Variants in PCP4L1 observed in about 807,000 individuals in gnomAD.
The protein encoded by PCP4L1 is Purkinje cell protein 4-like protein 1.
A neutral mutation model predicts 9.6 loss-of-function variants in PCP4L1; 9 were observed. The ratio of observed to expected loss-of-function variants is 0.94; its 90% confidence interval spans 0.57 to 1.64. PCP4L1 has a LOEUF of 1.64. Among genes scored for constraint, PCP4L1 ranks in the 40% most tolerant of loss-of-function variants. The pLI is 0.00. For synonymous variants in PCP4L1, 31 were observed against 28.2 expected (o/e 1.10, Z -0.31); for missense variants, 81 against 80.8 (o/e 1.00, Z -0.01).
intron 1 of PCP4L1, among the ~76,000 whole-genome samples, chr1:161,266,375 T>C (rs1009002264): frequency 6.6e-6 from 1 of 152,148 alleles, no homozygotes; most frequent in African/African-American, 2.4e-5. Flanking sequence ...GGCACTACTC[T>C]CTCTCCCCCA....
chr1:161,260,909 C>G (rs910814682), intron 1 of PCP4L1, among the ~76,000 whole-genome samples: 11 of 152,148 alleles, frequency 7.2e-5, no homozygotes, highest in African/African-American at 2.7e-4. Context: ...TGAGCCTGGT[C>G]TTAGGGATGA....
chr1:161,281,766 AG>A (rs1669813645), intron 1 of PCP4L1, among the ~76,000 whole-genome samples: 1 of 28,660 alleles, frequency 3.5e-5, no homozygotes, highest in Non-Finnish European at 5.4e-5. Context: ...GGCCGGGCAG[AG>A]GCGCTCCTCA....
intron 1 of PCP4L1, among the ~76,000 whole-genome samples, chr1:161,266,243 C>T (rs757518138): frequency 2.6e-5 from 4 of 152,198 alleles, no homozygotes; most frequent in African/African-American, 9.7e-5. Context: ...CTCCCTCCCA[C>T]ACAAAGCCCT....
At chr1:161,260,628 G>A (rs978599826) in intron 1 of PCP4L1, among the ~76,000 whole-genome samples, 1 of 152,190 alleles carries the variant, frequency 6.6e-6, no homozygotes, top group Non-Finnish European at 1.5e-5. Flanking sequence ...CACTACAGGG[G>A]CTGGCATTTA....
intron 1 of PCP4L1, among the ~76,000 whole-genome samples, chr1:161,259,679 G>A (rs935405700): frequency 6.6e-6 from 1 of 152,210 alleles, no homozygotes; most frequent in East Asian, 1.9e-4. Flanking sequence ...TTCATGGGGT[G>A]GGGGAGTGGG....
At chr1:161,266,642 G>A (rs1189930032) in intron 1 of PCP4L1, among the ~76,000 whole-genome samples, 1 of 152,132 alleles carries the variant, frequency 6.6e-6, no homozygotes, top group African/African-American at 2.4e-5. Context: ...GGGTTGTTTA[G>A]GTTCTATTTT....
intron 1 of PCP4L1, among the ~76,000 whole-genome samples, chr1:161,281,609 G>C (rs1669805849): frequency 6.7e-6 from 1 of 148,546 alleles, no homozygotes; most frequent in African/African-American, 2.5e-5. Flanking sequence ...GGAGGGGGCT[G>C]ACCCCCACCT....
intron 1 of PCP4L1, among the ~76,000 whole-genome samples, chr1:161,282,565 T>TCC (rs1162291182): frequency 6.6e-6 from 1 of 152,180 alleles, no homozygotes; most frequent in Non-Finnish European, 1.5e-5. Context: ...TATCAATAGC[T>TCC]CCCTAACTGA....
rs1270884821 is a variant in PCP4L1 at position 161,276,723 on chromosome 1, A to ATG, written c.10-6944_10-6943insGT. 5.7e-5 allele frequency among the ~76,000 whole-genome samples: 7 copies of ATG among 121,840 alleles called. No homozygotes were observed. The South Asian group carries it at 1.1e-3, about 20-fold the overall frequency. 79.9% of individuals were successfully genotyped at this position (121,840 alleles called of 152,430 possible). A position where few individuals can be genotyped will look rare whatever the true frequency, so the allele number is the denominator to read the frequency against. ...AAAATATGTGTGTGTGTGTATATAT[A>ATG]TATGTGTGTGTGTGTATATATGTGT... On this transcript the variant is annotated intron_variant, in intron 1 of 2. Transcript: ENST00000504449.
At chr1:161,263,145 C>G (rs1246203177) in intron 1 of PCP4L1, among the ~76,000 whole-genome samples, 1 of 152,234 alleles carries the variant, frequency 6.6e-6, no homozygotes, top group East Asian at 1.9e-4. Context: ...GGCTAGGGCA[C>G]TGTACTTCTG....
chr1:161,258,957 C>T lies in PCP4L1; in HGVS notation c.-18C>T, dbSNP rs948481076. ...ACCTGTGCGTGCAGCGCCTCGCGCG[C>T]CCTGTCCGGCTGCGGAGATGAGCGA... On this transcript the variant is annotated 5_prime_UTR_variant, in exon 1 of 3. Transcript: ENST00000504449. 7.2e-6 allele frequency: 11 copies of T among 1,534,480 alleles called. No homozygotes were observed. Among genetic ancestry groups the T allele is most frequent in the Non-Finnish European group, 9.6e-6 (11 of 1,145,998 alleles).
At chr1:161,282,276 A>C (rs1669834819) in intron 1 of PCP4L1, among the ~76,000 whole-genome samples, 1 of 152,154 alleles carries the variant, frequency 6.6e-6, no homozygotes, top group African/African-American at 2.4e-5. Flanking sequence ...AATAGCAGGC[A>C]CTCGGCAGGC....
Position 161,284,401 on chromosome 1 carries a change from C to T in PCP4L1, c.127C>T (p.Pro43Ser), listed in dbSNP as rs745326894. 25 of 1,613,782 alleles carry T rather than the reference C, an allele frequency of 1.5e-5. No individual in the cohort carries two copies. Among genetic ancestry groups the T allele is most frequent in the Non-Finnish European group, 1.9e-5 (22 of 1,179,876 alleles). Residue 43 changes from proline (P) to serine (S), a missense_variant, in exon 3 of 3, where the codon CCA (proline) becomes TCA (serine). By Grantham distance (74) the Pro-to-Ser change is moderately conservative. Coordinates refer to ENST00000504449, the MANE Select transcript of PCP4L1 (RefSeq NM_001102566.2). Reference sequence around the variant, plus strand: ...GGAGATTGACATTGATCTGACAGCACCAGAAACAGAGAAGGCTGCCCTTGC... The same window carrying T: ...GGAGATTGACATTGATCTGACAGCATCAGAAACAGAGAAGGCTGCCCTTGC... ...EEEIDIDLTA[P>S]ETEKAALAIQ...
intron 1 of PCP4L1, among the ~76,000 whole-genome samples, chr1:161,282,938 T>A (rs1669848091): frequency 1.3e-5 from 2 of 152,198 alleles, no homozygotes; most frequent in Non-Finnish European, 1.5e-5. Flanking sequence ...TTTTCTGCAA[T>A]AACCTCTTAA....
chr1:161,275,515 CAAAAA>C (rs11302998), intron 1 of PCP4L1, among the ~76,000 whole-genome samples: 1 of 91,894 alleles, frequency 1.1e-5, no homozygotes. Flanking sequence ...GACTCCGTCT[CAAAAA>C]AAAAAAAAAA....
chr1:161,258,956 G>T lies in PCP4L1; in HGVS notation c.-19G>T. 5.2e-6 allele frequency: 8 copies of T among 1,534,420 alleles called. No homozygotes were observed. The highest frequency in any genetic ancestry group is 6.1e-6 in the Non-Finnish European group (7 of 1,145,982). On this transcript the variant is annotated 5_prime_UTR_variant, in exon 1 of 3. Transcript: ENST00000504449. ...CACCTGTGCGTGCAGCGCCTCGCGCGCCCTGTCCGGCTGCGGAGATGAGCG... is the reference window on the plus strand; with the variant it reads ...CACCTGTGCGTGCAGCGCCTCGCGCTCCCTGTCCGGCTGCGGAGATGAGCG...
At chr1:161,268,246 A>G (rs1669564461) in intron 1 of PCP4L1, among the ~76,000 whole-genome samples, 1 of 151,662 alleles carries the variant, frequency 6.6e-6, no homozygotes, top group South Asian at 2.1e-4. Flanking sequence ...TGTGATTTCT[A>G]GGGCTTGTTT....
rs1271881514 is a variant in PCP4L1 at position 161,281,756 on chromosome 1, G to A, written c.10-1912G>A. Among the ~76,000 whole-genome samples the A allele has an allele frequency of 5.4e-5, 6 of 110,332 alleles. 1 individual carries two copies. The highest frequency in any genetic ancestry group is 1.2e-4 in the African/African-American group (3 of 24,844). 72.4% of individuals were successfully genotyped at this position (110,332 alleles called of 152,430 possible). Reference sequence around the variant, plus strand: ...CTCCTCACCTCCCAGACGGGGTCACGGCCGGGCAGAGGCGCTCCTCACATC... The same window carrying A: ...CTCCTCACCTCCCAGACGGGGTCACAGCCGGGCAGAGGCGCTCCTCACATC... On this transcript the variant is annotated intron_variant, in intron 1 of 2. Transcript: ENST00000504449.
At chr1:161,281,941 G>T (rs1000377219) in intron 1 of PCP4L1, among the ~76,000 whole-genome samples, 4 of 151,690 alleles carry the variant, frequency 2.6e-5, no homozygotes, top group African/African-American at 9.7e-5. Flanking sequence ...CATCCCAGAC[G>T]ATGGGCGGCC....
Sources: allele counts gnomAD v4.1 joint callset (sites outside exome capture counted in the v4.1 genomes callset), GRCh38; gene constraint gnomAD v4.1.1; transcripts MANE v1.5; gene names NCBI Gene and HGNC (gene_info 2026-07-23, HGNC 2026-07-21).